Variants in HTRA1 observed in about 807,000 individuals in gnomAD.
HTRA1 encodes HtrA serine peptidase 1, also known as serine protease HTRA1.
Under a neutral mutation model 49.7 loss-of-function variants are expected in HTRA1, and 26 were observed. That is an observed-to-expected ratio of 0.52 (90% confidence interval 0.38 to 0.73). HTRA1 has a LOEUF of 0.73. HTRA1 is among the 30% of genes least tolerant of loss of function. The pLI, the probability that HTRA1 is intolerant of heterozygous loss-of-function variation, is 0.00. For missense variants in HTRA1, 561 were observed against 667.2 expected (o/e 0.84, Z 1.75); for synonymous variants, 291 against 286.9 (o/e 1.01, Z -0.14).
rs2268353 is a variant in HTRA1 at position 122,494,545 on chromosome 10, C to T, written c.777+4919C>T. Among the ~76,000 whole-genome samples, 23,435 of 152,102 alleles carry T rather than the reference C, an allele frequency of 0.15. 2,123 individuals are homozygous for T. The highest frequency in any genetic ancestry group is 0.36 in the East Asian group (1,863 of 5,150). ...GCGCTGGTGAAACAGTGAGCTTTCC[C>T]GTGGGTGCTTTTCCCTGACGCCAAC... On this transcript the variant is annotated intron_variant, in intron 3 of 8. Coordinates refer to ENST00000368984, the MANE Select transcript of HTRA1 (RefSeq NM_002775.5). The surrounding 1 kb of genome is among the most constrained non-coding windows in gnomAD (Gnocchi z 4.0).
intron 1 of HTRA1, among the ~76,000 whole-genome samples, chr10:122,481,303 A>G (rs548437188): frequency 2.6e-5 from 4 of 152,242 alleles, no homozygotes; most frequent in Middle Eastern, 3.4e-3. Context: ...CCACAAATAT[A>G]TCTCATTTAA....
chr10:122,492,763 G>A (rs2300435), intron 3 of HTRA1, among the ~76,000 whole-genome samples: 14,184 of 151,970 alleles, frequency 0.093, 961 homozygotes, highest in South Asian at 0.32. Context: ...GTCCATCATC[G>A]GACAGCGTAG....
chr10:122,485,592 T>G (rs979837493), intron 1 of HTRA1, among the ~76,000 whole-genome samples: 1 of 152,206 alleles, frequency 6.6e-6, no homozygotes, highest in Non-Finnish European at 1.5e-5. Flanking sequence ...GGCCTTCCAG[T>G]GGCCAGGCCA....
At chr10:122,484,868 C>T (rs895912029) in intron 1 of HTRA1, among the ~76,000 whole-genome samples, 1 of 152,216 alleles carries the variant, frequency 6.6e-6, no homozygotes, top group Admixed American at 6.5e-5. Context: ...TGGACGCCCC[C>T]ACCCTCTGTC....
intron 3 of HTRA1, 129 bp downstream of exon 3, chr10:122,489,755 AG>A: frequency 1.2e-6 from 1 of 855,896 alleles, no homozygotes; most frequent in East Asian, 2.6e-5. Flanking sequence ...CAGTCACAGG[AG>A]GGCCTTGAGG....
At chr10:122,501,720 C>T (rs573890579) in intron 3 of HTRA1, among the ~76,000 whole-genome samples, 5 of 152,216 alleles carry the variant, frequency 3.3e-5, no homozygotes, top group African/African-American at 1.2e-4. Context: ...GGTGCCAGGG[C>T]GCTTTTGGGA....
intron 1 of HTRA1, among the ~76,000 whole-genome samples, chr10:122,475,754 G>T (rs2097488181): frequency 6.6e-6 from 1 of 152,190 alleles, no homozygotes; most frequent in Non-Finnish European, 1.5e-5. Context: ...GCCCCTCTGT[G>T]CCCATGTCCC....
In HTRA1 at chr10:122,497,704, G is replaced by A. The variant is rs146939158; in HGVS notation, c.777+8078G>A. Among the ~76,000 whole-genome samples the A allele has an allele frequency of 1.4e-3, 220 of 152,330 alleles. 2 individuals carry two copies. The Middle Eastern group carries it at 0.024, about 16-fold the overall frequency. On this transcript the variant is annotated intron_variant, in intron 3 of 8. Coordinates refer to ENST00000368984, the MANE Select transcript of HTRA1 (RefSeq NM_002775.5). Reference sequence around the variant, plus strand: ...AAATGCCAGGCCTTGGCTAACCCCAGTTATTACCTAATTTTAATATCCCAA... The same window carrying A: ...AAATGCCAGGCCTTGGCTAACCCCAATTATTACCTAATTTTAATATCCCAA...
chr10:122,502,925 C>T lies in HTRA1; in HGVS notation c.778-3766C>T, dbSNP rs554146534. ...AGGATCTGGCATGAGGAGTGGGACTCGCGTGCCCTCTTTCTTCTCCTCTTC... is the reference window on the plus strand; with the variant it reads ...AGGATCTGGCATGAGGAGTGGGACTTGCGTGCCCTCTTTCTTCTCCTCTTC... On this transcript the variant is annotated intron_variant, in intron 3 of 8. Transcript: ENST00000368984. Among the ~76,000 whole-genome samples the T allele has an allele frequency of 3.3e-5, 5 of 152,322 alleles. No individual in the cohort carries two copies. The East Asian group carries it at 7.7e-4, about 24-fold the overall frequency.
At chr10:122,482,652 G>A (rs879538794) in intron 1 of HTRA1, among the ~76,000 whole-genome samples, 1 of 152,016 alleles carries the variant, frequency 6.6e-6, no homozygotes, top group Non-Finnish European at 1.5e-5. Flanking sequence ...AGGTGCGGTG[G>A]CTCACACCTG....
chr10:122,487,590 T>G lies in HTRA1; in HGVS notation c.473-1312T>G, dbSNP rs1015465831. Among the ~76,000 whole-genome samples the G allele has an allele frequency of 1.3e-5, 2 of 152,202 alleles. No homozygotes were observed. The highest frequency in any genetic ancestry group is 3.9e-4 in the East Asian group (2 of 5,186). ...ACGCCCACCACGTGGGGCCACTCAC[T>G]GTAATATAAACGGTCATGCATCACT... On this transcript the variant is annotated intron_variant, in intron 1 of 8. Transcript: ENST00000368984. The surrounding 1 kb of genome is among the most constrained non-coding windows in gnomAD (Gnocchi z 4.8).
At chr10:122,513,678 A>T (rs1034386527) in intron 8 of HTRA1, among the ~76,000 whole-genome samples, 3 of 100,200 alleles carry the variant, frequency 3.0e-5, no homozygotes, top group African/African-American at 6.1e-5. Flanking sequence ...GAACATTATT[A>T]AAAAAAAAAA....
rs1393947812 is a variant in HTRA1 at position 122,487,941 on chromosome 10, C to A, written c.473-961C>A. Among the ~76,000 whole-genome samples the A allele has an allele frequency of 6.6e-6, 1 of 151,744 alleles. No individual in the cohort carries two copies. Among genetic ancestry groups the A allele is most frequent in the Admixed American group, 6.6e-5 (1 of 15,158 alleles). ...AGCATTACAGTTGTTTGATTTTTCTCTTTTTCTCACCCACAGTCTTAAGGC... is the reference window on the plus strand; with the variant it reads ...AGCATTACAGTTGTTTGATTTTTCTATTTTTCTCACCCACAGTCTTAAGGC... On this transcript the variant is annotated intron_variant, in intron 1 of 8. Coordinates refer to ENST00000368984, the MANE Select transcript of HTRA1 (RefSeq NM_002775.5). The surrounding 1 kb of genome is among the most constrained non-coding windows in gnomAD (Gnocchi z 4.8).
chr10:122,462,599 C>A (rs1306217021), intron 1 of HTRA1, among the ~76,000 whole-genome samples: 1 of 152,244 alleles, frequency 6.6e-6, no homozygotes, highest in Non-Finnish European at 1.5e-5. Flanking sequence ...GATCACGGGA[C>A]CGCTCAGTGA....
rs1554953028 is a variant in HTRA1 at position 122,514,504 on chromosome 10, C to A, written c.*145C>A. On this transcript the variant is annotated 3_prime_UTR_variant, in exon 9 of 9. Transcript: ENST00000368984. ...GTGGAGACTCCCTGGCCAACAGAAT[C>A]CTTCTTGATAGTTTGCAGGCAAAAC... The A allele has an allele frequency of 2.7e-5, 21 of 767,638 alleles. No homozygotes were observed. In the South Asian group the frequency reaches 3.2e-4, roughly 12 times the overall value. The allele number at this position is 767,638 out of a possible 1,614,324, so 47.6% of individuals were successfully genotyped here.
intron 1 of HTRA1, among the ~76,000 whole-genome samples, chr10:122,469,836 T>C (rs2097485377): frequency 6.6e-6 from 1 of 152,242 alleles, no homozygotes; most frequent in Non-Finnish European, 1.5e-5. Context: ...AGTCAAGTGT[T>C]ATTTAGAAAT....
At chr10:122,495,587 C>T (rs1171314866) in intron 3 of HTRA1, among the ~76,000 whole-genome samples, 1 of 152,130 alleles carries the variant, frequency 6.6e-6, no homozygotes, top group African/African-American at 2.4e-5. Context: ...CCTGTGTGTT[C>T]TCTGGCCCGG....
chr10:122,482,091 G>C (rs2097491269), intron 1 of HTRA1, among the ~76,000 whole-genome samples: 1 of 152,238 alleles, frequency 6.6e-6, no homozygotes, highest in South Asian at 2.1e-4. Context: ...TTATCAATTA[G>C]TGGAGGCCAA....
chr10:122,500,060 G>T (rs999466083), intron 3 of HTRA1, among the ~76,000 whole-genome samples: 41 of 151,916 alleles, frequency 2.7e-4, no homozygotes, highest in African/African-American at 8.5e-4. Context: ...GATGTTATTG[G>T]TTTTTTTTTA....
Sources: allele counts gnomAD v4.1 joint callset (sites outside exome capture counted in the v4.1 genomes callset), GRCh38; gene constraint gnomAD v4.1.1; non-coding constraint Gnocchi (gnomAD v3.1); transcripts MANE v1.5; gene names NCBI Gene and HGNC (gene_info 2026-07-23, HGNC 2026-07-21).